Variants in TET2 observed in about 807,000 individuals in gnomAD.
TET2 encodes the protein methylcytosine dioxygenase TET2.
TET2 carries 299 observed loss-of-function variants against 142.9 expected under a neutral mutation model. The observed-to-expected ratio is 2.09, with a 90% CI of 1.90 to 2.30. TET2 has a LOEUF of 2.30. TET2 is among the 30% of genes most tolerant of loss of function. The pLI, the probability that TET2 is intolerant of heterozygous loss-of-function variation, is 0.00. For missense variants in TET2, 2,418 were observed against 2,378.0 expected, an observed-to-expected ratio of 1.02 and a Z score of -0.35; for synonymous variants, 819 against 849.0, an observed-to-expected ratio of 0.96 and a Z score of 0.61.
intron 1 of TET2, among the ~76,000 whole-genome samples, chr4:105,180,367 A>G (rs980588705): frequency 6.6e-6 from 1 of 152,240 alleles, no homozygotes; most frequent in African/African-American, 2.4e-5. Context: ...TCAGTCATTA[A>G]TACATGGAGG....
At chr4:105,242,117 A>G (rs992660064) in intron 4 of TET2, 4 of 1,178,542 alleles carry the variant, frequency 3.4e-6, no homozygotes, top group Admixed American at 9.3e-5. Flanking sequence ...TATTATTATT[A>G]AAGTACTTAG....
At chr4:105,247,760 C>A (rs1477877357) in intron 6 of TET2, among the ~76,000 whole-genome samples, 3 of 119,774 alleles carry the variant, frequency 2.5e-5, no homozygotes, top group Admixed American at 1.2e-4. Context: ...CTCGCTCTGT[C>A]GCTTAGGCTG....
At chr4:105,220,946 C>T (rs1727782838) in intron 2 of TET2, among the ~76,000 whole-genome samples, 1 of 152,128 alleles carries the variant, frequency 6.6e-6, no homozygotes, top group Non-Finnish European at 1.5e-5. Flanking sequence ...TCTAAGTACA[C>T]TTTTATTTAA....
rs1261849342 is a variant in TET2, at chr4:105,237,144, CA to C, written c.3205del (p.Thr1069ProfsTer13). On this transcript the variant is annotated frameshift_variant, in exon 3 of 11. Coordinates refer to ENST00000380013, the MANE Select transcript of TET2 (RefSeq NM_001127208.3). LOFTEE classifies it high-confidence loss of function. The part of the protein sequence containing the change: ...MSGPVTVLTR[Q>X]TTAAELDSHT... ...AGGGCCAGTCACAGTTTTGACTAGA[CA>C]AACCACTGCTGCAGAACTTGATAGC... 1 of 1,614,140 alleles carries C rather than the reference CA, an allele frequency of 6.2e-7. No homozygotes were observed.
At position 105,235,745 on chromosome 4, in the gene TET2, C is replaced by G; in HGVS notation, c.1803C>G (p.Thr601=). The G allele has an allele frequency of 6.2e-7, 1 of 1,614,142 alleles. No homozygotes were observed. Among genetic ancestry groups the G allele is most frequent in the Non-Finnish European group, 8.5e-7 (1 of 1,180,018 alleles). Residue 601 remains threonine (T), a synonymous_variant, in exon 3 of 11, where the codon ACC becomes ACG. Transcript: ENST00000380013. The part of the protein sequence containing the change: ...QYQPNLSNQM[T]SKQYTGNSNM... ...AACCCAATCTCTCCAATCAAATGAC[C>G]TCCAAACAATACACTGGAAATTCCA...
At chr4:105,244,189 A>G (rs1223176236) in intron 6 of TET2, among the ~76,000 whole-genome samples, 1 of 152,206 alleles carries the variant, frequency 6.6e-6, no homozygotes, top group African/African-American at 2.4e-5. Context: ...CCCAGGTCAA[A>G]TACCTTCCAT....
intron 1 of TET2, among the ~76,000 whole-genome samples, chr4:105,187,018 T>G (rs1725496682): frequency 6.6e-6 from 1 of 152,146 alleles, no homozygotes; most frequent in Non-Finnish European, 1.5e-5. Flanking sequence ...TTCTCCTTGA[T>G]AGTTTGCCAG....
At chr4:105,201,441 G>A (rs904544735) in intron 2 of TET2, among the ~76,000 whole-genome samples, 1 of 152,074 alleles carries the variant, frequency 6.6e-6, no homozygotes, top group Non-Finnish European at 1.5e-5. Flanking sequence ...GTGCATTTGT[G>A]CTATGCTTGT....
intron 8 of TET2, among the ~76,000 whole-genome samples, chr4:105,265,329 A>G (rs1295558868): frequency 6.6e-6 from 1 of 152,238 alleles, no homozygotes; most frequent in African/African-American, 2.4e-5. Flanking sequence ...GATAATGGTT[A>G]CCATAGTGAA....
In TET2 at chr4:105,234,672, A is replaced by T; in HGVS notation, c.730A>T (p.Lys244Ter). 1 of 1,614,144 alleles carries T rather than the reference A, an allele frequency of 6.2e-7. No individual in the cohort carries two copies. The highest frequency in any genetic ancestry group is 8.5e-7 in the Non-Finnish European group (1 of 1,180,024). Reference sequence around the variant, plus strand: ...AGATTGTGTTTCCATTGCGGTGCAGAAAACCACATCTCACATAAATGCCAT... The same window carrying T: ...AGATTGTGTTTCCATTGCGGTGCAGTAAACCACATCTCACATAAATGCCAT... Reference protein sequence around the residue: ...YPDCVSIAVQKTTSHINAINS... With the variant: ...YPDCVSIAVQ Residue 244 changes from lysine (K) to a stop codon, truncating the protein, a stop_gained, in exon 3 of 11, where the codon AAA (lysine) becomes TAA (stop). Coordinates refer to ENST00000380013, the MANE Select transcript of TET2 (RefSeq NM_001127208.3). LOFTEE classifies it high-confidence loss of function.
rs543339191 is a variant in TET2, at chr4:105,222,808, G to A, written c.-46-11089G>A. ...CCTTGCCCGTGCCTATGTCGTGAAT[G>A]GTGTTGCCTAGGTTTTCTTCTAGGG... is the stretch of plus-strand genomic sequence containing the variant. On this transcript the variant is annotated intron_variant, in intron 2 of 10. Transcript: ENST00000380013. Among the ~76,000 whole-genome samples the A allele has an allele frequency of 3.3e-5, 5 of 151,718 alleles. No homozygotes were observed. In the East Asian group the frequency reaches 9.7e-4, roughly 29 times the overall value.
chr4:105,222,378 T>A (rs998072060), intron 2 of TET2, among the ~76,000 whole-genome samples: 55 of 152,338 alleles, frequency 3.6e-4, no homozygotes, highest in African/African-American at 1.3e-3. Context: ...CAGCACTTGT[T>A]GTGTCCTCAC....
At chr4:105,266,047 G>T (rs1730666733) in intron 8 of TET2, among the ~76,000 whole-genome samples, 1 of 152,090 alleles carries the variant, frequency 6.6e-6, no homozygotes. Flanking sequence ...AGAGGGTTCT[G>T]ATCCAGTCTT....
chr4:105,272,954 T>G (rs1731038405), intron 10 of TET2, 36 bp downstream of exon 10: 1 of 1,445,328 alleles, frequency 6.9e-7, no homozygotes, highest in South Asian at 1.4e-5. Context: ...GATAAATGTG[T>G]TGTGTGGTAT....
intron 2 of TET2, among the ~76,000 whole-genome samples, chr4:105,193,955 A>G (rs995990479): frequency 6.6e-6 from 1 of 152,172 alleles, no homozygotes. Context: ...ACAGAGAATC[A>G]AAAAATTATT....
At chr4:105,158,105 A>G (rs1333136966) in intron 1 of TET2, among the ~76,000 whole-genome samples, 1 of 152,184 alleles carries the variant, frequency 6.6e-6, no homozygotes, top group African/African-American at 2.4e-5. Flanking sequence ...ATTTTAAAAC[A>G]TTTTTACCAA....
chr4:105,262,636 C>A (rs1011289125), intron 8 of TET2, among the ~76,000 whole-genome samples: 3 of 152,132 alleles, frequency 2.0e-5, no homozygotes, highest in Non-Finnish European at 4.4e-5. Context: ...AATCCCAACA[C>A]TTTGGGAGGC....
chr4:105,189,602 G>GT (rs1725667857), intron 1 of TET2, among the ~76,000 whole-genome samples: 1 of 152,102 alleles, frequency 6.6e-6, no homozygotes, highest in African/African-American at 2.4e-5. Flanking sequence ...CTTCTCTCAT[G>GT]TTTTTAACCT....
chr4:105,222,116 G>A (rs1474432297), intron 2 of TET2, among the ~76,000 whole-genome samples: 1 of 151,742 alleles, frequency 6.6e-6, no homozygotes, highest in Non-Finnish European at 1.5e-5. Flanking sequence ...GTCTATCATT[G>A]TTGGACATTA....
Sources: allele counts gnomAD v4.1 joint callset (sites outside exome capture counted in the v4.1 genomes callset), GRCh38; gene constraint gnomAD v4.1.1; transcripts MANE v1.5; gene names NCBI Gene and HGNC (gene_info 2026-07-23, HGNC 2026-07-21).